Variants in GABRB2 observed in about 807,000 individuals in gnomAD.
GABRB2 encodes gamma-aminobutyric acid receptor subunit beta-2.
Under a neutral mutation model 54.7 loss-of-function variants are expected in GABRB2, and 16 were observed. The ratio of observed to expected loss-of-function variants is 0.29; its 90% confidence interval spans 0.20 to 0.44. The LOEUF (loss-of-function observed/expected upper bound fraction) is 0.44, where lower values mean the gene tolerates loss of function less well. GABRB2 is among the 20% of genes least tolerant of loss of function. GABRB2 has a pLI of 1.00. For missense variants in GABRB2, 355 were observed against 644.0 expected (o/e 0.55, Z 4.86); for synonymous variants, 244 against 233.8 (o/e 1.04, Z -0.40).
chr5:161,500,241 C>T (rs563861715), intron 3 of GABRB2, among the ~76,000 whole-genome samples: 4 of 152,212 alleles, frequency 2.6e-5, no homozygotes, highest in Middle Eastern at 3.4e-3. Context: ...TAAGTACCTC[C>T]ATCTTTCTGA....
chr5:161,380,865 T>TAA lies in GABRB2; in HGVS notation c.541+30108_541+30109dup, dbSNP rs5872710. On this transcript the variant is annotated intron_variant, in intron 5 of 9. Coordinates refer to ENST00000393959, the MANE Select transcript of GABRB2 (RefSeq NM_001371727.1). ...AGTTTTTCTCAAGATTTTACAAGGG[T>TAA]AAAAAAAAAAGGGCTTTACTGAATG... 4.0e-4 allele frequency among the ~76,000 whole-genome samples: 60 copies of TAA among 148,412 alleles called. 1 individual carries two copies. Among genetic ancestry groups the TAA allele is most frequent in the Admixed American group, 1.9e-3 (29 of 14,876 alleles).
At chr5:161,455,823 C>T (rs1041082025) in intron 4 of GABRB2, among the ~76,000 whole-genome samples, 1 of 151,876 alleles carries the variant, frequency 6.6e-6, no homozygotes, top group Non-Finnish European at 1.5e-5. Flanking sequence ...ATGCCCAGAC[C>T]CAAATTTTAT....
At chr5:161,388,297 A>G (rs1755708860) in intron 5 of GABRB2, among the ~76,000 whole-genome samples, 1 of 152,166 alleles carries the variant, frequency 6.6e-6, no homozygotes, top group African/African-American at 2.4e-5. Flanking sequence ...AACAGCATTC[A>G]TCAAAGCTGT....
At chr5:161,448,783 A>G (rs1326413144) in intron 4 of GABRB2, among the ~76,000 whole-genome samples, 1 of 152,148 alleles carries the variant, frequency 6.6e-6, no homozygotes, top group African/African-American at 2.4e-5. Flanking sequence ...TCCATGTGTA[A>G]GTAGTTGCAT....
chr5:161,363,385 G>A (rs944877798), intron 5 of GABRB2, among the ~76,000 whole-genome samples: 3 of 152,114 alleles, frequency 2.0e-5, no homozygotes, highest in African/African-American at 7.2e-5. Context: ...TTCGGGGCTG[G>A]GGGGCTGAGG....
At chr5:161,485,195 A>C (rs1390355618) in intron 3 of GABRB2, among the ~76,000 whole-genome samples, 1 of 151,860 alleles carries the variant, frequency 6.6e-6, no homozygotes, top group Non-Finnish European at 1.5e-5. Flanking sequence ...CTGCATCCTA[A>C]TCTGGGTTAG....
chr5:161,380,789 G>C (rs1420349246), intron 5 of GABRB2, among the ~76,000 whole-genome samples: 2 of 152,020 alleles, frequency 1.3e-5, no homozygotes, highest in Non-Finnish European at 2.9e-5. Context: ...AGACTGTATA[G>C]TGAGGTGGAA....
chr5:161,306,755 C>G (rs962561787), intron 9 of GABRB2, among the ~76,000 whole-genome samples: 2 of 151,366 alleles, frequency 1.3e-5, no homozygotes, highest in African/African-American at 2.4e-5. Flanking sequence ...TTTTGACACA[C>G]GTTTAATGCT....
intron 5 of GABRB2, among the ~76,000 whole-genome samples, chr5:161,368,160 T>A (rs1334067611): frequency 2.8e-5 from 3 of 108,790 alleles, no homozygotes; most frequent in East Asian, 2.6e-4. Context: ...CTCTTCCACC[T>A]CCTAAAATAT....
intron 3 of GABRB2, among the ~76,000 whole-genome samples, chr5:161,535,915 C>T (rs778877357): frequency 3.9e-5 from 6 of 152,018 alleles, no homozygotes; most frequent in Non-Finnish European, 8.8e-5. Flanking sequence ...CTATCAGTTC[C>T]ACTGAGAGCT....
chr5:161,381,521 G>A (rs928562934), intron 5 of GABRB2, among the ~76,000 whole-genome samples: 1 of 152,148 alleles, frequency 6.6e-6, no homozygotes, highest in African/African-American at 2.4e-5. Flanking sequence ...TTTATTACAT[G>A]TAGAGATGTA....
chr5:161,454,901 C>T (rs1757903987), intron 4 of GABRB2, among the ~76,000 whole-genome samples: 1 of 152,066 alleles, frequency 6.6e-6, no homozygotes, highest in Non-Finnish European at 1.5e-5. Flanking sequence ...GAAATCTGTT[C>T]CCAGAGCCCC....
intron 5 of GABRB2, among the ~76,000 whole-genome samples, chr5:161,378,580 A>G (rs892320203): frequency 2.0e-5 from 3 of 152,124 alleles, no homozygotes; most frequent in African/African-American, 7.2e-5. Flanking sequence ...TCAAGGTGAT[A>G]ATGGCCTTGG....
At chr5:161,298,711 C>T (rs563153407) in intron 9 of GABRB2, among the ~76,000 whole-genome samples, 1 of 152,344 alleles carries the variant, frequency 6.6e-6, no homozygotes, top group South Asian at 2.1e-4. Context: ...GATCTGTAAA[C>T]TGTTATTTTC....
intron 3 of GABRB2, among the ~76,000 whole-genome samples, chr5:161,486,767 C>T (rs887727913): frequency 1.2e-4 from 19 of 152,024 alleles, no homozygotes; most frequent in Non-Finnish European, 2.2e-4. Flanking sequence ...ATAATAAATA[C>T]TCATTTCAGA....
chr5:161,393,067 A>G (rs2113045214), intron 5 of GABRB2, among the ~76,000 whole-genome samples: 1 of 152,134 alleles, frequency 6.6e-6, no homozygotes, highest in South Asian at 2.1e-4. Context: ...TAAATTTCTT[A>G]CACAGATCTT....
intron 4 of GABRB2, among the ~76,000 whole-genome samples, chr5:161,415,029 G>A (rs976203332): frequency 2.0e-5 from 3 of 152,150 alleles, no homozygotes; most frequent in South Asian, 2.1e-4. Context: ...AATAAACACA[G>A]TTAATGAGCT....
chr5:161,442,210 C>T (rs964743688), intron 4 of GABRB2, among the ~76,000 whole-genome samples: 2 of 151,936 alleles, frequency 1.3e-5, no homozygotes, highest in African/African-American at 4.8e-5. Flanking sequence ...TCATGTATCC[C>T]ATAAATACAA....
chr5:161,292,082 G>C lies in GABRB2; in HGVS notation c.*1999C>G, dbSNP rs1757253790. 1 of 148,618 alleles carries C rather than the reference G, an allele frequency of 6.7e-6. No homozygotes were observed. The highest frequency in any genetic ancestry group is 7.0e-5 in the Admixed American group (1 of 14,294). 9.2% of individuals were successfully genotyped at this position (148,618 alleles called of 1,614,324 possible). ...ATGTAATCAAAATATAATGGCCAAG[G>C]TTTCCTACACTGGTGAAAAACAAAA... is the stretch of plus-strand genomic sequence containing the variant. On this transcript the variant is annotated 3_prime_UTR_variant, in exon 10 of 10. Transcript: ENST00000393959.
Sources: gnomAD v4.1 joint callset for allele counts (sites outside exome capture counted in the v4.1 genomes callset) on GRCh38, gnomAD v4.1.1 for gene constraint, MANE v1.5 for transcripts, NCBI Gene and HGNC (gene_info 2026-07-23, HGNC 2026-07-21) for gene names.